The following LRGUK variants were observed in gnomAD, a reference collection of about 807,000 sequenced individuals.
LRGUK encodes leucine-rich repeat and guanylate kinase domain-containing protein.
LRGUK carries 65 observed loss-of-function variants against 76.0 expected under a neutral mutation model. The ratio of observed to expected loss-of-function variants is 0.85; its 90% CI spans 0.70 to 1.05. LRGUK has a LOEUF of 1.05. Ranked by LOEUF, LRGUK falls within the 50% of genes least tolerant of loss-of-function variation. The pLI, the probability that LRGUK is intolerant of heterozygous loss-of-function variation, is 0.00. For synonymous variants in LRGUK, 268 were observed against 265.6 expected (o/e 1.01, Z -0.09); for missense variants, 758 against 732.8 (o/e 1.03, Z -0.40).
At chr7:134,143,436 T>C (rs571545135) in intron 4 of LRGUK, among the ~76,000 whole-genome samples, 61 of 152,336 alleles carry the variant, frequency 4.0e-4, no homozygotes, top group African/African-American at 1.1e-3. Context: ...CTCATTTGAA[T>C]AGTAGTTATT....
At chr7:134,233,421 G>T (rs1185927866) in intron 16 of LRGUK, among the ~76,000 whole-genome samples, 1 of 152,192 alleles carries the variant, frequency 6.6e-6, no homozygotes, top group African/African-American at 2.4e-5. Context: ...ATTGCTGAAT[G>T]ACCAATTCAT....
chr7:134,174,620 T>C (rs1165228585), exon 8 of LRGUK: 2 of 1,595,186 alleles, frequency 1.3e-6, no homozygotes, highest in Non-Finnish European at 1.7e-6. Flanking sequence ...CTCAATCTTC[T>C]AGAAAATCCA....
At chr7:134,216,657 G>A (rs1291363423) in intron 15 of LRGUK, among the ~76,000 whole-genome samples, 1 of 152,088 alleles carries the variant, frequency 6.6e-6, no homozygotes, top group Non-Finnish European at 1.5e-5. Flanking sequence ...GTTTCAGATT[G>A]GTTAGATAGG....
the LRGUK span, among the ~76,000 whole-genome samples, chr7:134,274,829 C>T: frequency 6.6e-6 from 1 of 152,078 alleles, no homozygotes; most frequent in African/African-American, 2.4e-5. Context: ...CCTATCATTT[C>T]AATCTTATCT....
At chr7:134,195,795 G>C (rs960489442) in intron 12 of LRGUK, among the ~76,000 whole-genome samples, 2 of 152,092 alleles carry the variant, frequency 1.3e-5, no homozygotes, top group African/African-American at 4.8e-5. Context: ...TGACATTGAA[G>C]GAGTAAAATA....
chr7:134,252,626 A>T lies in LRGUK; in HGVS notation c.2198+3550A>T, dbSNP rs545714744. Among the ~76,000 whole-genome samples the T allele has an allele frequency of 1.6e-4, 25 of 152,292 alleles. No individual in the cohort carries two copies. In the East Asian group the frequency reaches 4.6e-3, roughly 28 times the overall value. On this transcript the variant is annotated intron_variant, in intron 18 of 19. Coordinates refer to the LRGUK transcript ENST00000285928. ...TGCCATGTAGCCCTAGCTGTAGTTGACAGACATCTGAGGTCCAAGTAGTAG... is the reference window on the plus strand; with the variant it reads ...TGCCATGTAGCCCTAGCTGTAGTTGTCAGACATCTGAGGTCCAAGTAGTAG...
At chr7:134,159,147 G>A (rs1318154097) in intron 6 of LRGUK, among the ~76,000 whole-genome samples, 7 of 151,890 alleles carry the variant, frequency 4.6e-5, no homozygotes, top group Non-Finnish European at 7.4e-5. Context: ...AGACCAGCCT[G>A]GGCAAATAGC....
chr7:134,243,430 A>T (rs1252211113), intron 16 of LRGUK, among the ~76,000 whole-genome samples: 2 of 152,134 alleles, frequency 1.3e-5, no homozygotes, highest in Non-Finnish European at 2.9e-5. Context: ...AGAGAGTCAA[A>T]TGAGTGAACT....
At chr7:134,192,975 G>A (rs1314101397) in intron 12 of LRGUK, among the ~76,000 whole-genome samples, 5 of 151,820 alleles carry the variant, frequency 3.3e-5, no homozygotes, top group Non-Finnish European at 7.4e-5. Flanking sequence ...CCAAATAATG[G>A]ACCTGGCTTA....
At chr7:134,234,563 A>AT (rs1801972930) in intron 16 of LRGUK, among the ~76,000 whole-genome samples, 2 of 152,138 alleles carry the variant, frequency 1.3e-5, no homozygotes, top group Admixed American at 1.3e-4. Context: ...TCCTCCTAAA[A>AT]TTAGCATCAT....
Position 134,255,925 on chromosome 7 carries a change from C to T in LRGUK, c.2199-2332C>T, listed in dbSNP as rs141620626. ...GAGACAGCTGGGGAGGTCAAGAGCA[C>T]GGTCTATAAATACTTCAATCAGCCA... is the stretch of plus-strand genomic sequence containing the variant. On this transcript the variant is annotated intron_variant, in intron 18 of 19. Transcript: ENST00000285928. Among the ~76,000 whole-genome samples, 233 of 152,112 alleles carry T rather than the reference C, an allele frequency of 1.5e-3. 1 individual carries two copies. The highest frequency in any genetic ancestry group is 5.3e-3 in the African/African-American group (218 of 41,508).
At chr7:134,260,623 C>T (rs887758268) in intron 19 of LRGUK, among the ~76,000 whole-genome samples, 4 of 152,082 alleles carry the variant, frequency 2.6e-5, no homozygotes, top group African/African-American at 7.2e-5. Flanking sequence ...TTTCCCAGTT[C>T]CCCAGTAGAC....
intron 5 of LRGUK, among the ~76,000 whole-genome samples, chr7:134,149,737 C>T (rs1798126799): frequency 6.6e-6 from 1 of 152,140 alleles, no homozygotes; most frequent in South Asian, 2.1e-4. Context: ...TCACTTCATG[C>T]TTGACTATCA....
chr7:134,167,925 T>A (rs1409217219), intron 7 of LRGUK, among the ~76,000 whole-genome samples: 1 of 152,180 alleles, frequency 6.6e-6, no homozygotes, highest in Non-Finnish European at 1.5e-5. Context: ...TTACCTGGGG[T>A]TATGTCATAT....
intron 11 of LRGUK, among the ~76,000 whole-genome samples, chr7:134,188,220 G>A (rs1314644047): frequency 2.0e-5 from 3 of 152,122 alleles, no homozygotes; most frequent in Non-Finnish European, 4.4e-5. Context: ...TATGATGAGG[G>A]AGGTAAAGAG....
chr7:134,208,102 G>T (rs1801082410), intron 15 of LRGUK, among the ~76,000 whole-genome samples: 1 of 152,178 alleles, frequency 6.6e-6, no homozygotes, highest in Admixed American at 6.5e-5. Flanking sequence ...CTGGATGGGG[G>T]TCCTCAGGAG....
chr7:134,201,036 G>A (rs1479006247), intron 14 of LRGUK, among the ~76,000 whole-genome samples: 1 of 152,102 alleles, frequency 6.6e-6, no homozygotes, highest in East Asian at 1.9e-4. Context: ...TGTCATCCAC[G>A]TGGCCCCACC....
intron 16 of LRGUK, among the ~76,000 whole-genome samples, chr7:134,232,103 C>T (rs1801915496): frequency 6.6e-6 from 1 of 152,114 alleles, no homozygotes. Flanking sequence ...TGGTCCCTGT[C>T]CTTATAGAAT....
rs370630538 is a variant in LRGUK, at chr7:134,200,092, G to A, written c.1747+671G>A. Among the ~76,000 whole-genome samples the A allele has an allele frequency of 8.3e-4, 121 of 145,248 alleles. 1 individual carries two copies. The highest frequency in any genetic ancestry group is 2.4e-3 in the African/African-American group (94 of 39,276). ...GTCACCCAGGCTGGAGTGCAGTGGC[G>A]TGATCTTGGTTCACTACAACCTCTT... is the stretch of plus-strand genomic sequence containing the variant. On this transcript the variant is annotated intron_variant, in intron 14 of 15. Transcript: ENST00000645682.
Sources: allele counts gnomAD v4.1 joint callset (sites outside exome capture counted in the v4.1 genomes callset), GRCh38; gene constraint gnomAD v4.1.1; transcripts MANE v1.5; gene names NCBI Gene and HGNC (gene_info 2026-07-23, HGNC 2026-07-21).